SLC35F4: variants seen among roughly 807,000 people sequenced by gnomAD.
SLC35F4 encodes the protein chromosome 14 open reading frame 36.
Under a neutral mutation model 44.2 loss-of-function variants are expected in SLC35F4, and 24 were observed. That is an observed-to-expected ratio of 0.54 (90% confidence interval 0.39 to 0.76). SLC35F4 has a LOEUF of 0.76. SLC35F4 is among the 30% of genes least tolerant of loss of function. SLC35F4 has a pLI of 0.00. For synonymous variants in SLC35F4, 238 were observed against 223.6 expected (o/e 1.06, Z -0.57); for missense variants, 562 against 586.1 (o/e 0.96, Z 0.42).
At chr14:57,921,376 A>G (rs1889440131) in intron 1 of SLC35F4, among the ~76,000 whole-genome samples, 1 of 152,226 alleles carries the variant, frequency 6.6e-6, no homozygotes, top group Admixed American at 6.5e-5. Flanking sequence ...CCTGGGCTTC[A>G]TCCTCCTTCC....
At position 57,743,059 on chromosome 14, in the gene SLC35F4, A is replaced by T. The variant is rs558415552; in HGVS notation, c.103+122664T>A. Among the ~76,000 whole-genome samples, 27 of 152,344 alleles carry T rather than the reference A, an allele frequency of 1.8e-4. 1 individual carries two copies. In the South Asian group the frequency reaches 5.4e-3, roughly 30 times the overall value. On this transcript the variant is annotated intron_variant, in intron 1 of 7. Transcript: ENST00000556826. Reference sequence around the variant, plus strand: ...GACACAACATACCAGAATCTCTGGGACACATTTAAAGCAGTATGCAGAGGG... The same window carrying T: ...GACACAACATACCAGAATCTCTGGGTCACATTTAAAGCAGTATGCAGAGGG...
At chr14:57,845,153 G>A (rs548705101) in intron 1 of SLC35F4, among the ~76,000 whole-genome samples, 2 of 152,286 alleles carry the variant, frequency 1.3e-5, no homozygotes, top group East Asian at 3.9e-4. Context: ...AGAACTTCAG[G>A]AGGAGGAAAA....
chr14:57,965,395 A>C (rs1890419834), intron 1 of SLC35F4, among the ~76,000 whole-genome samples: 1 of 152,240 alleles, frequency 6.6e-6, no homozygotes, highest in South Asian at 2.1e-4. Flanking sequence ...CCACCCACCC[A>C]GATAACCCAG....
chr14:57,564,335 G>T lies in SLC35F4; in HGVS notation c.1258C>A (p.Arg420Ser), dbSNP rs772619985. ...CAGATGATGATGGTAGCAGCCAGGC[G>T]GACAACATTGAATATCACCTCCTGC... ...LKQEVIFNVV[R>S]LAATIIICIG... Residue 420 changes from arginine to serine, a missense_variant, in exon 8 of 8, where the codon CGC becomes AGC. Coordinates refer to ENST00000556826, the MANE Select transcript of SLC35F4 (RefSeq NM_001306087.2). 7.5e-6 allele frequency: 12 copies of T among 1,610,160 alleles called. No individual in the cohort carries two copies. The Admixed American group carries it at 8.4e-5, about 11-fold the overall frequency.
chr14:57,725,592 A>G (rs2076182655), intron 1 of SLC35F4, among the ~76,000 whole-genome samples: 11 of 152,194 alleles, frequency 7.2e-5, no homozygotes, highest in Admixed American at 7.2e-4. Context: ...CTTTACAGCA[A>G]AAGAAGTGTG....
chr14:57,684,800 C>A (rs2075020008), intron 1 of SLC35F4, among the ~76,000 whole-genome samples: 2 of 152,194 alleles, frequency 1.3e-5, no homozygotes, highest in African/African-American at 4.8e-5. Flanking sequence ...TTCCAGGCAT[C>A]CCCTCATCTC....
chr14:57,756,340 G>A (rs1035952171), intron 1 of SLC35F4, among the ~76,000 whole-genome samples: 3 of 151,934 alleles, frequency 2.0e-5, no homozygotes, highest in African/African-American at 7.2e-5. Flanking sequence ...TCTTTTTTTA[G>A]AAGTGTGTTA....
chr14:57,637,275 A>G (rs1201779311), intron 1 of SLC35F4, among the ~76,000 whole-genome samples: 1 of 152,144 alleles, frequency 6.6e-6, no homozygotes, highest in Non-Finnish European at 1.5e-5. Context: ...GATGCTGATG[A>G]CAATAATAAC....
chr14:57,915,537 C>G (rs555523028), intron 1 of SLC35F4, among the ~76,000 whole-genome samples: 1 of 152,254 alleles, frequency 6.6e-6, no homozygotes, highest in East Asian at 1.9e-4. Context: ...TAAAAGTAGC[C>G]ATGCAGCAGA....
chr14:57,693,517 T>G (rs1171408224), intron 1 of SLC35F4, among the ~76,000 whole-genome samples: 1 of 152,238 alleles, frequency 6.6e-6, no homozygotes, highest in Non-Finnish European at 1.5e-5. Flanking sequence ...GACAAGCTCC[T>G]GCTGCAGATA....
intron 1 of SLC35F4, among the ~76,000 whole-genome samples, chr14:57,966,605 A>G (rs1011657956): frequency 9.2e-5 from 14 of 152,256 alleles, no homozygotes; most frequent in African/African-American, 3.4e-4. Context: ...GAATAGAGAA[A>G]GCACTTCTTA....
chr14:57,736,439 A>C (rs2076466027), intron 1 of SLC35F4, among the ~76,000 whole-genome samples: 1 of 152,236 alleles, frequency 6.6e-6, no homozygotes, highest in South Asian at 2.1e-4. Context: ...TGTATAGTAA[A>C]ATCTTCAAGG....
chr14:57,833,308 C>G (rs1217776733), intron 1 of SLC35F4, among the ~76,000 whole-genome samples: 2 of 152,212 alleles, frequency 1.3e-5, no homozygotes, highest in South Asian at 4.1e-4. Context: ...TTGTAAAGGA[C>G]CATCTCTGCT....
At chr14:57,902,644 G>T (rs1273533960) in intron 1 of SLC35F4, among the ~76,000 whole-genome samples, 1 of 151,184 alleles carries the variant, frequency 6.6e-6, no homozygotes, top group African/African-American at 2.4e-5. Flanking sequence ...AATAAATGAA[G>T]AAAAAAATCA....
intron 1 of SLC35F4, among the ~76,000 whole-genome samples, chr14:57,860,499 G>A (rs1182144501): frequency 6.6e-6 from 1 of 152,118 alleles, no homozygotes; most frequent in Non-Finnish European, 1.5e-5. Context: ...CTTTTTCACA[G>A]ACAAGAAAAT....
At chr14:57,574,048 G>C (rs985747742) in intron 4 of SLC35F4, among the ~76,000 whole-genome samples, 2 of 152,042 alleles carry the variant, frequency 1.3e-5, no homozygotes, top group East Asian at 3.9e-4. Flanking sequence ...TCTGGGTTTA[G>C]AAAATTGTGA....
At chr14:57,964,991 A>AAATATATATATATATAT (rs1555331532) in intron 1 of SLC35F4, among the ~76,000 whole-genome samples, 1 of 115,696 alleles carries the variant, frequency 8.6e-6, no homozygotes, top group African/African-American at 3.7e-5. Flanking sequence ...AAAAAAAAAA[A>AAATATATATATATATAT]ATATATATAT....
chr14:57,874,344 C>T (rs1250296620), intron 1 of SLC35F4, among the ~76,000 whole-genome samples: 1 of 152,178 alleles, frequency 6.6e-6, no homozygotes, highest in Non-Finnish European at 1.5e-5. Context: ...CAAGGTATGA[C>T]CAGTGCTTCT....
At chr14:57,857,021 A>C (rs1368149708) in intron 1 of SLC35F4, among the ~76,000 whole-genome samples, 2 of 152,040 alleles carry the variant, frequency 1.3e-5, no homozygotes, top group East Asian at 3.8e-4. Flanking sequence ...CACGCCTGTA[A>C]TCCCAGCACT....
Sources: gnomAD v4.1 joint callset for allele counts (sites outside exome capture counted in the v4.1 genomes callset) on GRCh38, gnomAD v4.1.1 for gene constraint, MANE v1.5 for transcripts, NCBI Gene and HGNC (gene_info 2026-07-23, HGNC 2026-07-21) for gene names.